Variants in TATDN1 observed in about 807,000 individuals in gnomAD.
The protein encoded by TATDN1 is deoxyribonuclease TATDN1.
In TATDN1, 40 loss-of-function variants were observed where a neutral mutation model predicts 46.4. The ratio of observed to expected loss-of-function variants is 0.86; its 90% CI spans 0.67 to 1.12. TATDN1 has a LOEUF of 1.12. Among genes scored for constraint, TATDN1 ranks in the 50% most tolerant of loss-of-function variants. The pLI, the probability that TATDN1 is intolerant of heterozygous loss-of-function variation, is 0.00. For missense variants in TATDN1, 326 were observed against 348.4 expected, an observed-to-expected ratio of 0.94 and a Z score of 0.51; for synonymous variants, 95 against 105.6, an observed-to-expected ratio of 0.90 and a Z score of 0.62.
intron 10 of TATDN1, 68 bp from the exon 11 acceptor site, chr8:124,494,027 A>G: frequency 6.9e-7 from 1 of 1,440,148 alleles, no homozygotes; most frequent in Non-Finnish European, 9.3e-7. Flanking sequence ...ACCATTATCT[A>G]ATATATAACC....
intron 9 of TATDN1, among the ~76,000 whole-genome samples, chr8:124,496,852 C>T (rs1228385965): frequency 1.3e-5 from 2 of 152,196 alleles, no homozygotes; most frequent in Non-Finnish European, 2.9e-5. Context: ...TCAATCAACA[C>T]ATGGCCAATC....
intron 4 of TATDN1, among the ~76,000 whole-genome samples, chr8:124,518,306 C>T (rs1211547200): frequency 2.8e-5 from 4 of 145,404 alleles, no homozygotes; most frequent in African/African-American, 5.1e-5. Context: ...GGGTGGATCA[C>T]GAGGTCAGGA....
At chr8:124,507,160 C>CA (rs79163747) in intron 8 of TATDN1, among the ~76,000 whole-genome samples, 4,793 of 131,988 alleles carry the variant, frequency 0.036, 229 homozygotes, top group African/African-American at 0.12. Flanking sequence ...GACTCCATCT[C>CA]AAAAAAAAAA....
At chr8:124,501,516 G>A (rs1817960856) in intron 9 of TATDN1, among the ~76,000 whole-genome samples, 1 of 151,996 alleles carries the variant, frequency 6.6e-6, no homozygotes, top group South Asian at 2.1e-4. Context: ...TGACTGTGAG[G>A]AAACAAATGC....
intron 1 of TATDN1, 157 bp from the exon 2 acceptor site, chr8:124,523,159 G>T: frequency 1.6e-6 from 1 of 622,226 alleles, no homozygotes; most frequent in East Asian, 2.7e-5. Context: ...CTAGAAACAT[G>T]GGATACAAAG....
Position 124,538,497 on chromosome 8 carries a change from T to C in TATDN1, c.22+528A>G, listed in dbSNP as rs114944469. On this transcript the variant is annotated intron_variant, in intron 1 of 11. Coordinates refer to ENST00000276692, the MANE Select transcript of TATDN1 (RefSeq NM_032026.4). Reference sequence around the variant, plus strand: ...CAAGTACAGTTTGTTTTTCTCCCCATTACTTGTGTTTTCTAGTTTCTCCAC... The same window carrying C: ...CAAGTACAGTTTGTTTTTCTCCCCACTACTTGTGTTTTCTAGTTTCTCCAC... The C allele has an allele frequency of 4.1e-3, 659 of 158,890 alleles. 5 individuals are homozygous for C. Among genetic ancestry groups the C allele is most frequent in the African/African-American group, 0.012 (517 of 41,670 alleles). 9.8% of individuals were successfully genotyped at this position (158,890 alleles called of 1,614,324 possible).
intron 8 of TATDN1, among the ~76,000 whole-genome samples, chr8:124,507,805 A>C (rs942011941): frequency 6.6e-6 from 1 of 151,832 alleles, no homozygotes; most frequent in Admixed American, 6.6e-5. Context: ...AAAAACAAAA[A>C]ACACACACAA....
intron 1 of TATDN1, 56 bp from the exon 2 acceptor site, chr8:124,523,058 T>C (rs1234207875): frequency 1.5e-5 from 23 of 1,495,552 alleles, no homozygotes; most frequent in Non-Finnish European, 2.0e-5. Context: ...AAACTTGTAC[T>C]TAAATAAAAA....
At chr8:124,538,979 G>A (rs1198374490) in intron 1 of TATDN1, 46 bp downstream of exon 1, 6 of 1,613,132 alleles carry the variant, frequency 3.7e-6, no homozygotes, top group Non-Finnish European at 5.1e-6. Context: ...ACCGACGCCC[G>A]GGACAAGTCA....
chr8:124,522,035 C>A, intron 3 of TATDN1, 116 bp downstream of exon 3: 1 of 636,490 alleles, frequency 1.6e-6, no homozygotes, highest in Non-Finnish European at 2.8e-6. Flanking sequence ...CACAAGTAGA[C>A]AATATGTACC....
chr8:124,488,904 G>A, intron 11 of TATDN1: 1 of 490,828 alleles, frequency 2.0e-6, no homozygotes, highest in Non-Finnish European at 3.6e-6. Flanking sequence ...CATATAACTA[G>A]AGCTAAGAAC....
At chr8:124,526,769 T>C (rs1312491977) in intron 1 of TATDN1, 1 of 152,246 alleles carries the variant, frequency 6.6e-6, no homozygotes, top group East Asian at 1.9e-4. Flanking sequence ...AACTCTTAAG[T>C]TGAAGCCTCA....
At chr8:124,520,719 G>A (rs941726128) in intron 3 of TATDN1, among the ~76,000 whole-genome samples, 1 of 151,902 alleles carries the variant, frequency 6.6e-6, no homozygotes, top group Non-Finnish European at 1.5e-5. Flanking sequence ...AAGGCTGGCA[G>A]ATCACGAAGT....
Position 124,539,017 on chromosome 8 carries a change from C to T in TATDN1, c.22+8G>A, listed in dbSNP as rs1320094877. 3 of 1,614,164 alleles carry T rather than the reference C, an allele frequency of 1.9e-6. No homozygotes were observed. The highest frequency in any genetic ancestry group is 2.2e-5 in the South Asian group (2 of 91,086). On this transcript the variant is annotated splice_region_variant and intron_variant, in intron 1 of 11. Transcript: ENST00000276692. ...AAGACCCAAGGGCGTGGAAAACGCT[C>T]CTCTTACCGATAAACTTGAAGCGAC...
chr8:124,519,024 G>C, intron 3 of TATDN1, 143 bp from the exon 4 acceptor site: 1 of 620,234 alleles, frequency 1.6e-6, no homozygotes, highest in Non-Finnish European at 2.9e-6. Context: ...AATTCAGCTG[G>C]GAGATTACCT....
At position 124,508,698 on chromosome 8, in the gene TATDN1, GC is replaced by G; in HGVS notation, c.390-11del. Reference sequence around the variant, plus strand: ...CTGTTTTTCAAAATATCTGCATAATGCAAAAAAAAAAAATTCTCATTACAAA... The same window carrying G: ...CTGTTTTTCAAAATATCTGCATAATGAAAAAAAAAAAATTCTCATTACAAA... On this transcript the variant is annotated splice_polypyrimidine_tract_variant and intron_variant, in intron 6 of 11. Coordinates refer to ENST00000276692, the MANE Select transcript of TATDN1 (RefSeq NM_032026.4). 3 of 1,459,172 alleles carry G rather than the reference GC, an allele frequency of 2.1e-6. No homozygotes were observed. The highest frequency in any genetic ancestry group is 2.7e-5 in the South Asian group (2 of 74,144). The allele number at this position is 1,459,172 out of a possible 1,614,324, so 90.4% of individuals were successfully genotyped here. A position where few individuals can be genotyped will look rare whatever the true frequency, so the allele number is the denominator to read the frequency against.
At chr8:124,517,558 C>A (rs1031752930) in intron 4 of TATDN1, among the ~76,000 whole-genome samples, 1 of 151,410 alleles carries the variant, frequency 6.6e-6, no homozygotes, top group Non-Finnish European at 1.5e-5. Flanking sequence ...TTTTAAAATA[C>A]AAAATTTAAA....
In TATDN1 at chr8:124,495,459, A is replaced by C. The variant is rs773295747; in HGVS notation, c.664+13T>G. ...TGGTTTAATATGAAACAAAGTTCTG[A>C]AAACAAACTTACCTGTCTCAATCAT... On this transcript the variant is annotated intron_variant, in intron 10 of 11. Coordinates refer to ENST00000276692, the MANE Select transcript of TATDN1 (RefSeq NM_032026.4). 2 of 1,594,988 alleles carry C rather than the reference A, an allele frequency of 1.3e-6. No individual in the cohort carries two copies. Among genetic ancestry groups the C allele is most frequent in the African/African-American group, 2.7e-5 (2 of 73,930 alleles).
intron 1 of TATDN1, among the ~76,000 whole-genome samples, chr8:124,526,044 C>T (rs1162718918): frequency 1.3e-5 from 2 of 152,342 alleles, no homozygotes; most frequent in African/African-American, 4.8e-5. Context: ...GCTATGTGGG[C>T]TCTAGACTGA....
Sources: allele counts gnomAD v4.1 joint callset (sites outside exome capture counted in the v4.1 genomes callset), GRCh38; gene constraint gnomAD v4.1.1; transcripts MANE v1.5; gene names NCBI Gene and HGNC (gene_info 2026-07-23, HGNC 2026-07-21).